STAT1: variants seen among roughly 807,000 people sequenced by gnomAD.
STAT1 encodes the protein signal transducer and activator of transcription 1-alpha/beta.
In STAT1, 24 loss-of-function variants were observed where a neutral mutation model predicts 111.7. That is an observed-to-expected ratio of 0.21 (90% CI 0.16 to 0.30). The LOEUF is 0.30. STAT1 is among the 10% of genes least tolerant of loss of function. The pLI is 1.00. For synonymous variants in STAT1, 332 were observed against 326.5 expected, an observed-to-expected ratio of 1.02 and a Z score of -0.18; for missense variants, 351 against 911.9, an observed-to-expected ratio of 0.38 and a Z score of 7.92.
chr2:190,992,298 C>T (rs1183623507), intron 10 of STAT1, among the ~76,000 whole-genome samples: 1 of 152,170 alleles, frequency 6.6e-6, no homozygotes, highest in Non-Finnish European at 1.5e-5. Context: ...TGAACTTCAT[C>T]TTCAGAAGAC....
rs1156672326 is a variant in STAT1 at position 191,003,451 on chromosome 2, G to A, written c.373-2288C>T. On this transcript the variant is annotated intron_variant, in intron 5 of 24. Transcript: ENST00000361099. This position sits in a 1 kb window ranked among gnomAD's most constrained non-coding sequence, Gnocchi z 4.0. ...TTGTAATCCCCATTGTTGGAGGTGGGGCCTGGTGGAAGGTGACTGGATCAC... is the reference window on the plus strand; with the variant it reads ...TTGTAATCCCCATTGTTGGAGGTGGAGCCTGGTGGAAGGTGACTGGATCAC... Among the ~76,000 whole-genome samples the A allele has an allele frequency of 6.6e-6, 1 of 152,142 alleles. No homozygotes were observed. The highest frequency in any genetic ancestry group is 2.4e-5 in the African/African-American group (1 of 41,428).
At position 190,977,072 on chromosome 2, in the gene STAT1, G is replaced by A; in HGVS notation, c.1874-47C>T. 1 of 1,585,498 alleles carries A rather than the reference G, an allele frequency of 6.3e-7. No individual in the cohort carries two copies. Reference sequence around the variant, plus strand: ...TAAATCCCATAGAACATCCCAAAATGAAAGAGGACAGAGAAATAAAACACT... The same window carrying A: ...TAAATCCCATAGAACATCCCAAAATAAAAGAGGACAGAGAAATAAAACACT... On this transcript the variant is annotated intron_variant, in intron 21 of 24. Transcript: ENST00000361099. The surrounding 1 kb of genome is among the most constrained non-coding windows in gnomAD (Gnocchi z 4.7).
At position 190,975,561 on chromosome 2, in the gene STAT1, T is replaced by C. The variant is rs1412164181; in HGVS notation, c.2135+251A>G. 1 of 1,379,664 alleles carries C rather than the reference T, an allele frequency of 7.2e-7. No homozygotes were observed. Among genetic ancestry groups the C allele is most frequent in the South Asian group, 1.5e-5 (1 of 66,548 alleles). 85.5% of individuals were successfully genotyped at this position (1,379,664 alleles called of 1,614,324 possible). On this transcript the variant is annotated intron_variant, in intron 23 of 24. Coordinates refer to ENST00000361099, the MANE Select transcript of STAT1 (RefSeq NM_007315.4). The surrounding 1 kb of genome is among the most constrained non-coding windows in gnomAD (Gnocchi z 5.9). The stretch of plus-strand genomic sequence containing the variant: ...GATCAACTTTTGCTCATTTTATTTA[T>C]ACTTTTTCAAAGGGTATCAGTTTTG...
In STAT1 at chr2:190,980,492, G is replaced by C. The variant is rs1692292653; in HGVS notation, c.1632+128C>G. 1.8e-6 allele frequency: 2 copies of C among 1,093,904 alleles called. No individual in the cohort carries two copies. Among genetic ancestry groups the C allele is most frequent in the Non-Finnish European group, 2.8e-6 (2 of 714,538 alleles). 67.8% of individuals were successfully genotyped at this position (1,093,904 alleles called of 1,614,324 possible). A position where few individuals can be genotyped will look rare whatever the true frequency, so the allele number is the denominator to read the frequency against. Reference sequence around the variant, plus strand: ...AGAAAAGTAAACAACTTGCCCGAGGGGCTCCTTGGCCAGAGAAGAACACGC... The same window carrying C: ...AGAAAAGTAAACAACTTGCCCGAGGCGCTCCTTGGCCAGAGAAGAACACGC... On this transcript the variant is annotated intron_variant, in intron 19 of 24. Coordinates refer to ENST00000361099, the MANE Select transcript of STAT1 (RefSeq NM_007315.4). The surrounding 1 kb of genome is among the most constrained non-coding windows in gnomAD (Gnocchi z 6.1).
In STAT1 at chr2:191,007,584, T is replaced by C. The variant is rs1694804789; in HGVS notation, c.351A>G (p.Glu117=). ...GTACCTGATTAAATCTCTGGGCGTTTTCCAGAATTTTCCTTTCTTCCTTCA... is the reference window on the plus strand; with the variant it reads ...GTACCTGATTAAATCTCTGGGCGTTCTCCAGAATTTTCCTTTCTTCCTTCA... ...SCLKEERKIL[E]NAQRFNQAQS... is the part of the protein sequence containing the mutation. Residue 117 remains glutamate, a synonymous_variant, in exon 5 of 25, where the codon GAA becomes GAG. Coordinates refer to ENST00000361099, the MANE Select transcript of STAT1 (RefSeq NM_007315.4). The surrounding 1 kb of genome is among the most constrained non-coding windows in gnomAD (Gnocchi z 4.2). 3 of 1,613,580 alleles carry C rather than the reference T, an allele frequency of 1.9e-6. No individual in the cohort carries two copies. Among genetic ancestry groups the C allele is most frequent in the Non-Finnish European group, 2.5e-6 (3 of 1,179,702 alleles).
rs1247681747 is a variant in STAT1 at position 191,003,092 on chromosome 2, T to A, written c.373-1929A>T. Reference sequence around the variant, plus strand: ...CATAAGTAAAATTGGTCCATAATTTTTTGTTTTATCTTTATCAGGCATACG... The same window carrying A: ...CATAAGTAAAATTGGTCCATAATTTATTGTTTTATCTTTATCAGGCATACG... On this transcript the variant is annotated intron_variant, in intron 5 of 24. Transcript: ENST00000361099. The surrounding 1 kb of genome is among the most constrained non-coding windows in gnomAD (Gnocchi z 4.0). Among the ~76,000 whole-genome samples, 1 of 152,246 alleles carries A rather than the reference T, an allele frequency of 6.6e-6. No homozygotes were observed. The highest frequency in any genetic ancestry group is 2.4e-5 in the African/African-American group (1 of 41,464).
chr2:190,978,750 C>T lies in STAT1; in HGVS notation c.1873+106G>A, dbSNP rs1367998740. 1.4e-5 allele frequency: 20 copies of T among 1,457,450 alleles called. No individual in the cohort carries two copies. The highest frequency in any genetic ancestry group is 2.5e-5 in the East Asian group (1 of 40,800). 90.3% of individuals were successfully genotyped at this position (1,457,450 alleles called of 1,614,324 possible). On this transcript the variant is annotated intron_variant, in intron 21 of 24. Coordinates refer to ENST00000361099, the MANE Select transcript of STAT1 (RefSeq NM_007315.4). The surrounding 1 kb of genome is among the most constrained non-coding windows in gnomAD (Gnocchi z 6.1). ...TCATTTGGGGTAAGTATAAGATCTG[C>T]AATTTCATGTCCCAAACGCACTATC...
At position 191,000,796 on chromosome 2, in the gene STAT1, T is replaced by C. The variant is rs1254359482; in HGVS notation, c.462+278A>G. 6.6e-6 allele frequency among the ~76,000 whole-genome samples: 1 copy of C among 152,206 alleles called. No homozygotes were observed. Among genetic ancestry groups the C allele is most frequent in the Non-Finnish European group, 1.5e-5 (1 of 68,032 alleles). Reference sequence around the variant, plus strand: ...CCATTTAGAGCAGCAACATCTCATTTACTGGGTACTGGGCAAAGTCAACAT... The same window carrying C: ...CCATTTAGAGCAGCAACATCTCATTCACTGGGTACTGGGCAAAGTCAACAT... On this transcript the variant is annotated intron_variant, in intron 6 of 24. Transcript: ENST00000361099. The surrounding 1 kb of genome is among the most constrained non-coding windows in gnomAD (Gnocchi z 4.8).
rs114147453 is a variant in STAT1, at chr2:191,006,457, G to A, written c.372+1106C>T. On this transcript the variant is annotated intron_variant, in intron 5 of 24. Transcript: ENST00000361099. This position sits in a 1 kb window ranked among gnomAD's most constrained non-coding sequence, Gnocchi z 4.6. ...ATGGGAACTATACGCCTAGGGAAGT[G>A]ACAGGATTACAAGGACTGGGACAAA... is the stretch of plus-strand genomic sequence containing the variant. Among the ~76,000 whole-genome samples the A allele has an allele frequency of 3.4e-3, 513 of 152,342 alleles. 2 individuals carry two copies. Among genetic ancestry groups the A allele is most frequent in the Admixed American group, 6.8e-3 (104 of 15,306 alleles).
chr2:191,008,786 G>A (rs1376176718), intron 4 of STAT1, among the ~76,000 whole-genome samples, 177 bp downstream of exon 4: 1 of 152,044 alleles, frequency 6.6e-6, no homozygotes, highest in African/African-American at 2.4e-5. Context: ...AAATAAATTG[G>A]TATCTTATTT....
intron 3 of STAT1, 60 bp downstream of exon 3, chr2:191,009,816 T>C: frequency 6.2e-7 from 1 of 1,605,718 alleles, no homozygotes; most frequent in South Asian, 1.1e-5. Flanking sequence ...CCCAAGTCAC[T>C]TAATCAACCA....
chr2:190,970,517 G>GCC lies in STAT1; in HGVS notation c.*184_*185dup. The GCC allele has an allele frequency of 5.8e-6, 4 of 687,718 alleles. No individual in the cohort carries two copies. Among genetic ancestry groups the GCC allele is most frequent in the Middle Eastern group, 4.8e-4 (2 of 4,210 alleles). The allele number at this position is 687,718 out of a possible 1,614,324, so 42.6% of individuals were successfully genotyped here. ...TTTTACCTTCAGTAAGATGCATGAT[G>GCC]CCCTTCAGAGTAACTGATGTTTCTG... On this transcript the variant is annotated 3_prime_UTR_variant, in exon 25 of 25. Transcript: ENST00000361099. This position sits in a 1 kb window ranked among gnomAD's most constrained non-coding sequence, Gnocchi z 5.4.
chr2:190,970,758 C>G lies in STAT1; in HGVS notation c.2239-41G>C. On this transcript the variant is annotated intron_variant, in intron 24 of 24. Transcript: ENST00000361099. The surrounding 1 kb of genome is among the most constrained non-coding windows in gnomAD (Gnocchi z 5.4). ...ATGTGGTTAAGTTTATTACACTGAT[C>G]TTGTGAAATGCAGACTCATACATTA... is the stretch of plus-strand genomic sequence containing the variant. 6.3e-7 allele frequency: 1 copy of G among 1,582,074 alleles called. No homozygotes were observed. The highest frequency in any genetic ancestry group is 8.7e-7 in the Non-Finnish European group (1 of 1,151,692).
At position 191,004,801 on chromosome 2, in the gene STAT1, A is replaced by G. The variant is rs1248661324; in HGVS notation, c.372+2762T>C. On this transcript the variant is annotated intron_variant, in intron 5 of 24. Transcript: ENST00000361099. The surrounding 1 kb of genome is among the most constrained non-coding windows in gnomAD (Gnocchi z 5.0). ...AGCATATGGTAACCATTAGTCCTTAAGAACACAAAGATGGAACAGCAAAGG... is the reference window on the plus strand; with the variant it reads ...AGCATATGGTAACCATTAGTCCTTAGGAACACAAAGATGGAACAGCAAAGG... Among the ~76,000 whole-genome samples the G allele has an allele frequency of 6.6e-6, 1 of 152,250 alleles. No individual in the cohort carries two copies. Among genetic ancestry groups the G allele is most frequent in the Non-Finnish European group, 1.5e-5 (1 of 68,052 alleles).
chr2:191,001,626 C>G (rs1694275802), intron 5 of STAT1, among the ~76,000 whole-genome samples: 1 of 152,220 alleles, frequency 6.6e-6, no homozygotes, highest in South Asian at 2.1e-4. Flanking sequence ...TATTTTAACA[C>G]AATTCCGGGT....
chr2:190,994,927 A>AAATAT lies in STAT1; in HGVS notation c.944+133_944+134insATATT, dbSNP rs1165918318. ...GAGACTCTATCTCAAAAAAAAAAAA[A>AAATAT]ATATATATATATATATATATATATA... On this transcript the variant is annotated intron_variant, in intron 10 of 24. Coordinates refer to ENST00000361099, the MANE Select transcript of STAT1 (RefSeq NM_007315.4). 147 of 135,094 alleles carry AAATAT rather than the reference A, an allele frequency of 1.1e-3. 1 individual carries two copies. Among genetic ancestry groups the AAATAT allele is most frequent in the Non-Finnish European group, 1.7e-3 (127 of 76,354 alleles). 8.4% of individuals were successfully genotyped at this position (135,094 alleles called of 1,614,324 possible).
chr2:191,005,034 T>C (rs1694574607), intron 5 of STAT1, among the ~76,000 whole-genome samples: 1 of 152,226 alleles, frequency 6.6e-6, no homozygotes, highest in Non-Finnish European at 1.5e-5. Flanking sequence ...AATATTCTCT[T>C]AAATGTATTT....
rs564935815 is a variant in STAT1 at position 190,979,376 on chromosome 2, T to C, written c.1728-375A>G. ...ATATATTTTCATATTTTAGCCCTTC[T>C]GATCAAGTTAAAGCTTCTGTTGAAA... On this transcript the variant is annotated intron_variant, in intron 20 of 24. Transcript: ENST00000361099. This position sits in a 1 kb window ranked among gnomAD's most constrained non-coding sequence, Gnocchi z 5.8. Among the ~76,000 whole-genome samples the C allele has an allele frequency of 3.3e-5, 5 of 152,332 alleles. No homozygotes were observed. The highest frequency in any genetic ancestry group is 1.3e-4 in the Admixed American group (2 of 15,300).
Position 190,983,574 on chromosome 2 carries a change from G to C in STAT1, c.1446+68C>G. The C allele has an allele frequency of 1.4e-6, 2 of 1,388,660 alleles. No individual in the cohort carries two copies. The highest frequency in any genetic ancestry group is 1.7e-5 in the Admixed American group (1 of 59,660). The allele number at this position is 1,388,660 out of a possible 1,614,324, so 86.0% of individuals were successfully genotyped here. On this transcript the variant is annotated intron_variant, in intron 17 of 24. Transcript: ENST00000361099. The surrounding 1 kb of genome is among the most constrained non-coding windows in gnomAD (Gnocchi z 5.7). ...ACAACTGGCCATTGGGGCTATTTCA[G>C]AGATGCAGCAGTGAGAGCGTGGGGT...
Sources: gnomAD v4.1 joint callset for allele counts (sites outside exome capture counted in the v4.1 genomes callset) on GRCh38, gnomAD v4.1.1 for gene constraint, Gnocchi (gnomAD v3.1) non-coding constraint, MANE v1.5 for transcripts, NCBI Gene and HGNC (gene_info 2026-07-23, HGNC 2026-07-21) for gene names.